Variants in CNTNAP2 observed in about 807,000 individuals in gnomAD.
The protein encoded by CNTNAP2 is contactin-associated protein-like 2.
Under a neutral mutation model 155.2 loss-of-function variants are expected in CNTNAP2, and 98 were observed. The ratio of observed to expected loss-of-function variants is 0.63; its 90% CI spans 0.54 to 0.75. The LOEUF is 0.75. Among genes scored for constraint, CNTNAP2 ranks in the 30% least tolerant of loss-of-function variants. The pLI is 0.00. For synonymous variants in CNTNAP2, 651 were observed against 631.2 expected, an observed-to-expected ratio of 1.03 and a Z score of -0.47; for missense variants, 1,727 against 1,688.1, an observed-to-expected ratio of 1.02 and a Z score of -0.40.
intron 8 of CNTNAP2, among the ~76,000 whole-genome samples, chr7:147,298,426 A>C (rs114130255): frequency 0.011 from 1,667 of 150,852 alleles, 29 homozygotes; most frequent in African/African-American, 0.038. Flanking sequence ...CTCCATCACA[A>C]AAAAAAAAGA....
At chr7:147,020,168 A>T (rs1584786972) in intron 3 of CNTNAP2, among the ~76,000 whole-genome samples, 2 of 152,298 alleles carry the variant, frequency 1.3e-5, no homozygotes, top group East Asian at 3.9e-4. Context: ...GATGATCCCA[A>T]ATCCTAGGAT....
At chr7:147,884,653 G>T (rs1799576225) in intron 13 of CNTNAP2, among the ~76,000 whole-genome samples, 1 of 152,120 alleles carries the variant, frequency 6.6e-6, no homozygotes, top group South Asian at 2.1e-4. Context: ...AGGAAAAAAA[G>T]AATAAGGGCA....
chr7:147,504,676 G>A (rs1267725601), intron 11 of CNTNAP2, among the ~76,000 whole-genome samples: 1 of 122,144 alleles, frequency 8.2e-6, no homozygotes, highest in East Asian at 2.2e-4. Flanking sequence ...GCGACAGAAT[G>A]AGATTCTGTC....
chr7:146,289,297 G>A (rs958034717), intron 1 of CNTNAP2, among the ~76,000 whole-genome samples: 1 of 152,140 alleles, frequency 6.6e-6, no homozygotes, highest in African/African-American at 2.4e-5. Flanking sequence ...TTGATTCATG[G>A]TACAAAATAC....
chr7:146,158,443 C>G (rs1798162000), intron 1 of CNTNAP2, among the ~76,000 whole-genome samples: 1 of 152,150 alleles, frequency 6.6e-6, no homozygotes, highest in Non-Finnish European at 1.5e-5. Flanking sequence ...ACAAACTTCT[C>G]TGAGCTAAAG....
At chr7:147,333,850 A>G (rs1013335964) in intron 9 of CNTNAP2, among the ~76,000 whole-genome samples, 6 of 152,222 alleles carry the variant, frequency 3.9e-5, no homozygotes, top group African/African-American at 1.4e-4. Flanking sequence ...GGACTAGAGT[A>G]TAGGCATAAC....
chr7:147,352,602 T>G (rs1795985543), intron 9 of CNTNAP2, among the ~76,000 whole-genome samples: 1 of 152,028 alleles, frequency 6.6e-6, no homozygotes, highest in African/African-American at 2.4e-5. Flanking sequence ...GGTGCTATAC[T>G]TTATGGTATT....
At chr7:148,403,419 G>T (rs561958741) in intron 22 of CNTNAP2, among the ~76,000 whole-genome samples, 1 of 152,104 alleles carries the variant, frequency 6.6e-6, no homozygotes, top group Non-Finnish European at 1.5e-5. Context: ...TTGGGGATCC[G>T]CAAGAGAAGT....
At chr7:147,437,865 C>A (rs1797575983) in intron 10 of CNTNAP2, among the ~76,000 whole-genome samples, 2 of 151,968 alleles carry the variant, frequency 1.3e-5, no homozygotes, top group African/African-American at 4.8e-5. Flanking sequence ...TATTCAATTT[C>A]TTTCGTGTTT....
rs115734044 is a variant in CNTNAP2, at chr7:147,467,484, C to T, written c.1671-18451C>T. Among the ~76,000 whole-genome samples the T allele has an allele frequency of 6.0e-3, 917 of 152,178 alleles. 6 individuals carry two copies. Among genetic ancestry groups the T allele is most frequent in the African/African-American group, 0.021 (855 of 41,498 alleles). ...TCACTTATAAGTTAGAGCTAAATGA[C>T]GGGTACACATGGACACTCAGAGTGA... is the stretch of plus-strand genomic sequence containing the variant. On this transcript the variant is annotated intron_variant, in intron 10 of 23. Transcript: ENST00000361727.
At chr7:147,075,900 C>A (rs10225666) in intron 4 of CNTNAP2, among the ~76,000 whole-genome samples, 1 of 151,944 alleles carries the variant, frequency 6.6e-6, no homozygotes, top group Non-Finnish European at 1.5e-5. Flanking sequence ...TCTGTACCTG[C>A]GATAGTTTGC....
intron 1 of CNTNAP2, among the ~76,000 whole-genome samples, chr7:146,201,643 T>TGC (rs1473067937): frequency 1.1e-5 from 1 of 89,862 alleles, no homozygotes; most frequent in African/African-American, 5.2e-5. Flanking sequence ...CCCACGAGTG[T>TGC]GTGTGTGTGT....
chr7:146,378,838 T>C (rs1483429518), intron 1 of CNTNAP2, among the ~76,000 whole-genome samples: 2 of 152,230 alleles, frequency 1.3e-5, no homozygotes, highest in African/African-American at 4.8e-5. Flanking sequence ...TTGGGACTAC[T>C]TATACATTTG....
chr7:147,037,789 C>A (rs982512), intron 3 of CNTNAP2, among the ~76,000 whole-genome samples: 81,583 of 151,922 alleles, frequency 0.54, 22,756 homozygotes, highest in African/African-American at 0.66. Flanking sequence ...TAGATATATA[C>A]ATGTTAGACG....
At chr7:147,027,174 C>T (rs892843300) in intron 3 of CNTNAP2, among the ~76,000 whole-genome samples, 1 of 152,018 alleles carries the variant, frequency 6.6e-6, no homozygotes, top group Non-Finnish European at 1.5e-5. Flanking sequence ...AAGTTGTGGC[C>T]ATCTATTTAA....
intron 1 of CNTNAP2, among the ~76,000 whole-genome samples, chr7:146,648,093 C>G (rs1009620810): frequency 1.3e-5 from 2 of 152,168 alleles, no homozygotes; most frequent in Non-Finnish European, 2.9e-5. Context: ...TTCCGTATCA[C>G]AGGTTGGACA....
intron 11 of CNTNAP2, among the ~76,000 whole-genome samples, chr7:147,531,124 C>T (rs1382645419): frequency 2.0e-5 from 3 of 152,154 alleles, no homozygotes; most frequent in Non-Finnish European, 4.4e-5. Context: ...TCCCCTATGG[C>T]TTTACAGGGT....
At chr7:147,979,929 A>G (rs371861930) in intron 15 of CNTNAP2, among the ~76,000 whole-genome samples, 13 of 152,258 alleles carry the variant, frequency 8.5e-5, no homozygotes, top group East Asian at 1.9e-4. Flanking sequence ...AGCCTTCTGC[A>G]AACTTTTATT....
intron 1 of CNTNAP2, among the ~76,000 whole-genome samples, chr7:146,497,049 C>G (rs1404713551): frequency 6.6e-6 from 1 of 152,064 alleles, no homozygotes; most frequent in African/African-American, 2.4e-5. Flanking sequence ...TCTTAATGAC[C>G]CTGTTTTATT....
Sources: gnomAD v4.1 joint callset for allele counts (sites outside exome capture counted in the v4.1 genomes callset) on GRCh38, gnomAD v4.1.1 for gene constraint, MANE v1.5 for transcripts, NCBI Gene and HGNC (gene_info 2026-07-23, HGNC 2026-07-21) for gene names.